Variants in UNC13C observed in about 807,000 individuals in gnomAD.
UNC13C encodes the protein protein unc-13 homolog C.
A neutral mutation model predicts 245.4 loss-of-function variants in UNC13C; 174 were observed. That is an observed-to-expected ratio of 0.71 (90% confidence interval 0.63 to 0.80). UNC13C has a LOEUF of 0.80. UNC13C is among the 30% of genes least tolerant of loss of function. The pLI is 0.00. For synonymous variants in UNC13C, 992 were observed against 895.1 expected, an observed-to-expected ratio of 1.11 and a Z score of -1.93; for missense variants, 2,829 against 2,602.9, an observed-to-expected ratio of 1.09 and a Z score of -1.89.
the UNC13C span, among the ~76,000 whole-genome samples, chr15:53,936,583 C>T: frequency 3.9e-5 from 6 of 152,214 alleles, no homozygotes; most frequent in Admixed American, 3.9e-4. Flanking sequence ...GGTGAAACCT[C>T]CCAACAGGGG....
intron 1 of UNC13C, among the ~76,000 whole-genome samples, chr15:53,982,386 A>G (rs780246234): frequency 6.6e-6 from 1 of 152,128 alleles, no homozygotes; most frequent in Non-Finnish European, 1.5e-5. Context: ...CATGTAAAAT[A>G]TAAAAGAAAA....
chr15:54,401,451 A>G (rs2040181925), intron 18 of UNC13C, among the ~76,000 whole-genome samples: 1 of 152,164 alleles, frequency 6.6e-6, no homozygotes. Flanking sequence ...ATTTTGCACA[A>G]TAAGAGAAAC....
At chr15:54,609,927 T>C (rs1271160278) in intron 30 of UNC13C, among the ~76,000 whole-genome samples, 1 of 152,102 alleles carries the variant, frequency 6.6e-6, no homozygotes, top group Non-Finnish European at 1.5e-5. Context: ...AAAAAGCTCC[T>C]TATAAAACCA....
rs915765715 is a variant in UNC13C, at chr15:54,073,644, A to AT, written c.2983+57764dup. ...GCTCTAATAACCAGTGATGATGAGC[A>AT]TTTTTTCATATGTTTATTGGCTGCA... On this transcript the variant is annotated intron_variant, in intron 2 of 32. Transcript: ENST00000260323. Among the ~76,000 whole-genome samples the AT allele has an allele frequency of 4.8e-4, 73 of 151,942 alleles. 2 individuals are homozygous for AT. Among genetic ancestry groups the AT allele is most frequent in the Admixed American group, 2.7e-4 (4 of 15,070 alleles).
the UNC13C span, among the ~76,000 whole-genome samples, chr15:53,891,136 G>C: frequency 6.6e-6 from 1 of 152,130 alleles, no homozygotes; most frequent in South Asian, 2.1e-4. Flanking sequence ...TAGTCATTTA[G>C]GAGCGGGTTG....
At chr15:53,901,066 A>G in the UNC13C span, among the ~76,000 whole-genome samples, 1 of 152,068 alleles carries the variant, frequency 6.6e-6, no homozygotes, top group Non-Finnish European at 1.5e-5. Context: ...AATAATAATT[A>G]TTCTATACAC....
chr15:53,966,651 CT>C, the UNC13C span, among the ~76,000 whole-genome samples: 5 of 150,960 alleles, frequency 3.3e-5, no homozygotes, highest in East Asian at 1.9e-4. Context: ...ATGACTTAAT[CT>C]TTTTTTTTGT....
intron 4 of UNC13C, among the ~76,000 whole-genome samples, chr15:54,202,358 C>A (rs2034550432): frequency 1.3e-5 from 2 of 151,882 alleles, no homozygotes; most frequent in Admixed American, 1.3e-4. Context: ...GACCTCATAG[C>A]CAAAGCAAGA....
chr15:53,947,988 T>C, the UNC13C span, among the ~76,000 whole-genome samples: 1 of 152,228 alleles, frequency 6.6e-6, no homozygotes, highest in African/African-American at 2.4e-5. Context: ...TTTAACTTTA[T>C]CAGAAGGATT....
chr15:53,927,286 A>C, the UNC13C span, among the ~76,000 whole-genome samples: 1 of 152,206 alleles, frequency 6.6e-6, no homozygotes, highest in African/African-American at 2.4e-5. Context: ...GGTTAGTTCC[A>C]TGGAGATCAC....
chr15:53,957,966 G>GT, the UNC13C span, among the ~76,000 whole-genome samples: 3 of 151,190 alleles, frequency 2.0e-5, no homozygotes, highest in Non-Finnish European at 2.9e-5. Context: ...TTTTTTGTTT[G>GT]TTTTTTGTTT....
chr15:53,962,585 C>G, the UNC13C span, among the ~76,000 whole-genome samples: 9 of 152,110 alleles, frequency 5.9e-5, no homozygotes, highest in African/African-American at 2.2e-4. Context: ...CTAATAGATG[C>G]TGTACCAAAC....
At position 54,565,947 on chromosome 15, in the gene UNC13C, C is replaced by T. The variant is rs574113000; in HGVS notation, c.5959-1853C>T. Among the ~76,000 whole-genome samples the T allele has an allele frequency of 6.6e-5, 10 of 152,078 alleles. No individual in the cohort carries two copies. In the South Asian group the frequency reaches 2.1e-3, roughly 32 times the overall value. On this transcript the variant is annotated intron_variant, in intron 29 of 32. Coordinates refer to ENST00000260323, the MANE Select transcript of UNC13C (RefSeq NM_001080534.3). ...GTTTTCCTTCCCTCTCTTCCTCCTC[C>T]TCTTCCTGCTCCTCCTCGTCCTCTT...
intron 17 of UNC13C, among the ~76,000 whole-genome samples, chr15:54,381,227 A>G (rs1279177297): frequency 1.3e-5 from 2 of 152,066 alleles, no homozygotes; most frequent in South Asian, 2.1e-4. Context: ...TCCTTTAACT[A>G]TTGTGTGCCC....
rs911370082 is a variant in UNC13C at position 54,265,345 on chromosome 15, T to A, written c.3677-10T>A. 2 of 1,481,800 alleles carry A rather than the reference T, an allele frequency of 1.3e-6. No homozygotes were observed. Among genetic ancestry groups the A allele is most frequent in the African/African-American group, 2.8e-5 (2 of 71,284 alleles). 91.8% of individuals were successfully genotyped at this position (1,481,800 alleles called of 1,614,324 possible). A position where few individuals can be genotyped will look rare whatever the true frequency, so the allele number is the denominator to read the frequency against. On this transcript the variant is annotated splice_polypyrimidine_tract_variant and intron_variant, in intron 9 of 32. Transcript: ENST00000260323. ...CTGTATGTTAAAATGTTTATTTTGG[T>A]TTATTTCAGTGGTTTCTGCACAGGG...
intron 18 of UNC13C, among the ~76,000 whole-genome samples, chr15:54,401,679 C>A (rs1245498019): frequency 2.0e-5 from 3 of 151,968 alleles, no homozygotes; most frequent in Non-Finnish European, 4.4e-5. Context: ...AAAGCAGATA[C>A]AAGAATAGCA....
intron 19 of UNC13C, among the ~76,000 whole-genome samples, chr15:54,476,324 T>C (rs1414809340): frequency 6.8e-6 from 1 of 146,370 alleles, no homozygotes; most frequent in African/African-American, 2.5e-5. Context: ...TAGATCCCAT[T>C]TGTCAATTTT....
At chr15:53,846,582 T>TACAGG in the UNC13C span, among the ~76,000 whole-genome samples, 3 of 152,208 alleles carry the variant, frequency 2.0e-5, no homozygotes, top group Non-Finnish European at 4.4e-5. Context: ...AAATAAATTT[T>TACAGG]TGTAGGCTAC....
chr15:54,008,525 C>A (rs140010448), intron 1 of UNC13C, among the ~76,000 whole-genome samples: 119 of 152,186 alleles, frequency 7.8e-4, no homozygotes, highest in African/African-American at 2.7e-3. Flanking sequence ...TAAATCTTAT[C>A]CCTAAAGTTC....
Sources: gnomAD v4.1 joint callset for allele counts (sites outside exome capture counted in the v4.1 genomes callset) on GRCh38, gnomAD v4.1.1 for gene constraint, MANE v1.5 for transcripts, NCBI Gene and HGNC (gene_info 2026-07-23, HGNC 2026-07-21) for gene names.